ZDHHC13: variants seen among roughly 807,000 people sequenced by gnomAD.
ZDHHC13 encodes palmitoyltransferase ZDHHC13.
ZDHHC13 carries 85 observed loss-of-function variants against 86.0 expected under a neutral mutation model. The ratio of observed to expected loss-of-function variants is 0.99; its 90% CI spans 0.83 to 1.18. The LOEUF (loss-of-function observed/expected upper bound fraction) is 1.18. Among genes scored for constraint, ZDHHC13 ranks in the 50% most tolerant of loss-of-function variants. The probability of loss-of-function intolerance (pLI) is 0.00; values close to 1 mark genes in which losing one functional copy is unlikely to be tolerated. For synonymous variants in ZDHHC13, 263 were observed against 246.4 expected (o/e 1.07, Z -0.63); for missense variants, 711 against 730.2 (o/e 0.97, Z 0.30).
intron 2 of ZDHHC13, among the ~76,000 whole-genome samples, chr11:19,143,878 C>G (rs1415385905): frequency 2.0e-5 from 3 of 152,236 alleles, no homozygotes; most frequent in African/African-American, 4.8e-5. Context: ...AGTATTAATC[C>G]ATTTTTGTAG....
rs1314054262 is a variant in ZDHHC13 at position 19,170,503 on chromosome 11, A to G, written c.1567A>G (p.Ile523Val). The G allele has an allele frequency of 5.2e-6, 8 of 1,526,812 alleles. No individual in the cohort carries two copies. Among genetic ancestry groups the G allele is most frequent in the South Asian group, 1.3e-5 (1 of 78,764 alleles). The allele number at this position is 1,526,812 out of a possible 1,614,324, so 94.6% of individuals were successfully genotyped here. ...IVACSPWVLYILMLATFHFSW... is the reference protein window; with the variant it reads ...IVACSPWVLYVLMLATFHFSW... ...GGCCTGTTCCCCTTGGGTTTTATAT[A>G]TCTTGATGCTAGCAACTTTCCATTT... Residue 523 changes from isoleucine to valine, a missense_variant, in exon 15 of 17, where the codon ATC (isoleucine) becomes GTC (valine). Physicochemically the swap from Ile to Val is conservative, Grantham distance 29. Transcript: ENST00000446113.
chr11:19,169,377 G>A, intron 14 of ZDHHC13: 1 of 985,394 alleles, frequency 1.0e-6, no homozygotes, highest in Non-Finnish European at 1.2e-6. Flanking sequence ...AATGCTTCTG[G>A]CATATATTCA....
At chr11:19,154,700 A>T (rs909592486) in intron 8 of ZDHHC13, among the ~76,000 whole-genome samples, 6 of 152,174 alleles carry the variant, frequency 3.9e-5, no homozygotes, top group Non-Finnish European at 7.3e-5. Flanking sequence ...TCCATGTGAC[A>T]TTTGACACTG....
intron 16 of ZDHHC13, among the ~76,000 whole-genome samples, chr11:19,175,388 T>TAAAAAAAAAAA (rs1565046585): frequency 4.9e-4 from 1 of 2,024 alleles, no homozygotes; most frequent in Non-Finnish European, 1.4e-3. Context: ...AGACTCCGTC[T>TAAAAAAAAAAA]CAAAAAAAAA....
Position 19,152,308 on chromosome 11 carries a change from C to A in ZDHHC13, c.735C>A (p.Ile245=). Residue 245 remains isoleucine, a synonymous_variant, in exon 7 of 17, where the codon ATC becomes ATA. Transcript: ENST00000446113. The part of the protein sequence containing the change: ...KLLEAGSSLD[I]QNVKGETPLD... Reference sequence around the variant, plus strand: ...TGGAAGCTGGTTCTAGCCTGGATATCCAGAATGTTAAGGTATGGCCAGATA... The same window carrying A: ...TGGAAGCTGGTTCTAGCCTGGATATACAGAATGTTAAGGTATGGCCAGATA... The A allele has an allele frequency of 6.2e-7, 1 of 1,612,904 alleles. No individual in the cohort carries two copies. Among genetic ancestry groups the A allele is most frequent in the South Asian group, 1.1e-5 (1 of 90,970 alleles).
chr11:19,166,437 C>T, intron 14 of ZDHHC13, 52 bp downstream of exon 14: 4 of 1,442,908 alleles, frequency 2.8e-6, no homozygotes, highest in Non-Finnish European at 3.8e-6. Flanking sequence ...CCCATTTCTA[C>T]TTTTCCTTGT....
chr11:19,139,240 A>C (rs550449242), intron 1 of ZDHHC13, among the ~76,000 whole-genome samples: 1 of 152,174 alleles, frequency 6.6e-6, no homozygotes, highest in South Asian at 2.1e-4. Context: ...ATCAACGTAC[A>C]AAAATCACAA....
chr11:19,123,018 A>G (rs558152016), intron 1 of ZDHHC13, among the ~76,000 whole-genome samples: 1 of 152,210 alleles, frequency 6.6e-6, no homozygotes, highest in Admixed American at 6.5e-5. Context: ...ATCATATATA[A>G]TCACATATTG....
intron 1 of ZDHHC13, among the ~76,000 whole-genome samples, chr11:19,134,082 A>G (rs140374497): frequency 5.9e-5 from 9 of 152,006 alleles, no homozygotes; most frequent in African/African-American, 1.7e-4. Flanking sequence ...TTTCAAGGCA[A>G]TGCTATTGGA....
At chr11:19,147,772 T>TCCCCC (rs146892489) in intron 4 of ZDHHC13, 99 bp downstream of exon 4, 2 of 407,794 alleles carry the variant, frequency 4.9e-6, no homozygotes, top group Non-Finnish European at 8.0e-6. Context: ...TGTCTTTTCT[T>TCCCCC]CCCCCCCCCC....
chr11:19,145,587 A>G (rs1849440973), intron 2 of ZDHHC13, among the ~76,000 whole-genome samples: 1 of 152,154 alleles, frequency 6.6e-6, no homozygotes, highest in South Asian at 2.1e-4. Flanking sequence ...GCAATGTTAA[A>G]TTGCTTTTAT....
rs114626024 is a variant in ZDHHC13, at chr11:19,130,143, C to T, written c.28-12835C>T. The stretch of plus-strand genomic sequence containing the variant: ...TTCTGTTTTCTGAAGGAGTTAGTAT[C>T]ATTTCTTCCTTAGATATTTGATAGG... On this transcript the variant is annotated intron_variant, in intron 1 of 16. Coordinates refer to ENST00000446113, the MANE Select transcript of ZDHHC13 (RefSeq NM_019028.3). 6.8e-3 allele frequency among the ~76,000 whole-genome samples: 1,041 copies of T among 152,002 alleles called. 9 individuals carry two copies. Among genetic ancestry groups the T allele is most frequent in the African/African-American group, 0.024 (984 of 41,480 alleles).
At chr11:19,169,973 G>A in intron 14 of ZDHHC13, 1 of 996,680 alleles carries the variant, frequency 1.0e-6, no homozygotes, top group Non-Finnish European at 1.2e-6. Flanking sequence ...CTAGGTGCTT[G>A]TGGGATATCT....
chr11:19,170,228 C>A, intron 14 of ZDHHC13, 183 bp from the exon 15 acceptor site: 1 of 1,400,952 alleles, frequency 7.1e-7, no homozygotes, highest in Non-Finnish European at 9.2e-7. Flanking sequence ...TAACATTGAG[C>A]CACCATTTTG....
At chr11:19,162,166 T>C (rs985934382) in intron 10 of ZDHHC13, among the ~76,000 whole-genome samples, 1 of 152,112 alleles carries the variant, frequency 6.6e-6, no homozygotes, top group South Asian at 2.1e-4. Context: ...TCAGTAAAAA[T>C]GTATTGAACC....
chr11:19,147,165 A>G (rs1849488264), intron 3 of ZDHHC13, among the ~76,000 whole-genome samples: 1 of 152,168 alleles, frequency 6.6e-6, no homozygotes, highest in African/African-American at 2.4e-5. Flanking sequence ...TTTACTACTT[A>G]CTTTTAAAAT....
In ZDHHC13 at chr11:19,145,722, A is replaced by G. The variant is rs180900030; in HGVS notation, c.174-459A>G. 2.1e-3 allele frequency among the ~76,000 whole-genome samples: 323 copies of G among 152,302 alleles called. 3 individuals carry two copies. The highest frequency in any genetic ancestry group is 7.4e-3 in the African/African-American group (307 of 41,558). On this transcript the variant is annotated intron_variant, in intron 2 of 16. Transcript: ENST00000446113. ...TCATCTCCTTCAGGAAGGGCTAATC[A>G]TTTGTTCCTCTGCTATACCTATATT... is the stretch of plus-strand genomic sequence containing the variant.
At chr11:19,161,847 T>C (rs1849919890) in intron 10 of ZDHHC13, among the ~76,000 whole-genome samples, 1 of 152,128 alleles carries the variant, frequency 6.6e-6, no homozygotes, top group South Asian at 2.1e-4. Context: ...GACTAAATGC[T>C]CAGTGTGGCT....
intron 8 of ZDHHC13, 72 bp downstream of exon 8, chr11:19,152,756 A>G: frequency 1.2e-6 from 2 of 1,600,720 alleles, no homozygotes; most frequent in Admixed American, 1.7e-5. Context: ...TTATTAAGGC[A>G]TCAGAGGAAA....
Sources: allele counts gnomAD v4.1 joint callset (sites outside exome capture counted in the v4.1 genomes callset), GRCh38; gene constraint gnomAD v4.1.1; transcripts MANE v1.5; gene names NCBI Gene and HGNC (gene_info 2026-07-23, HGNC 2026-07-21).